The following TNFAIP8 variants were observed in gnomAD, a reference collection of about 807,000 sequenced individuals.
The protein encoded by TNFAIP8 is tumor necrosis factor alpha-induced protein 8.
Under a neutral mutation model 13.3 loss-of-function variants are expected in TNFAIP8, and 7 were observed. The observed-to-expected ratio is 0.52, with a 90% CI of 0.30 to 0.99. The LOEUF is 0.99. TNFAIP8 is among the 50% of genes least tolerant of loss of function. The pLI is 0.07. For missense variants in TNFAIP8, 258 were observed against 236.9 expected (o/e 1.09, Z -0.58); for synonymous variants, 94 against 87.6 (o/e 1.07, Z -0.41).
At chr5:119,298,625 C>G (rs1315321266) in intron 1 of TNFAIP8, among the ~76,000 whole-genome samples, 2 of 152,028 alleles carry the variant, frequency 1.3e-5, no homozygotes, top group African/African-American at 4.8e-5. Context: ...GTGGCATTCT[C>G]TGTATTTCCT....
At chr5:119,340,898 G>A (rs989504014) in intron 1 of TNFAIP8, among the ~76,000 whole-genome samples, 10 of 152,112 alleles carry the variant, frequency 6.6e-5, no homozygotes, top group African/African-American at 1.2e-4. Flanking sequence ...TTCCTTTGCC[G>A]AACCAGAATT....
intron 1 of TNFAIP8, among the ~76,000 whole-genome samples, chr5:119,313,313 T>C (rs922407296): frequency 2.0e-5 from 3 of 152,212 alleles, no homozygotes; most frequent in African/African-American, 7.2e-5. Context: ...AAAGGAGTTT[T>C]ACAGAAACCT....
intron 1 of TNFAIP8, among the ~76,000 whole-genome samples, chr5:119,327,827 G>A (rs535034455): frequency 3.3e-5 from 5 of 152,282 alleles, no homozygotes; most frequent in African/African-American, 1.2e-4. Flanking sequence ...CAAATGAAGT[G>A]ACTGAGGCAC....
chr5:119,372,576 T>A (rs1239672258), intron 1 of TNFAIP8, among the ~76,000 whole-genome samples: 2 of 152,246 alleles, frequency 1.3e-5, no homozygotes, highest in Non-Finnish European at 2.9e-5. Flanking sequence ...GCAGATTTTA[T>A]AAAGGCTCCA....
intron 1 of TNFAIP8, among the ~76,000 whole-genome samples, chr5:119,317,752 C>T (rs975187069): frequency 2.0e-5 from 3 of 152,084 alleles, no homozygotes; most frequent in Admixed American, 6.5e-5. Context: ...GCATAGGCCA[C>T]CATGCTGGCT....
chr5:119,394,858 C>G lies in TNFAIP8; in HGVS notation c.*1477C>G, dbSNP rs138120635. ...CTGACTTCAAATGATCTGCCTGCCT[C>G]GGCCTCCGAAAGTGTTGGGATTACA... On this transcript the variant is annotated 3_prime_UTR_variant, in exon 2 of 2. Coordinates refer to ENST00000504771, the MANE Select transcript of TNFAIP8 (RefSeq NM_014350.4). 1.3e-5 allele frequency: 2 copies of G among 152,044 alleles called. No individual in the cohort carries two copies. Among genetic ancestry groups the G allele is most frequent in the Non-Finnish European group, 2.9e-5 (2 of 68,046 alleles). 9.4% of individuals were successfully genotyped at this position (152,044 alleles called of 1,614,324 possible).
chr5:119,366,659 A>T (rs533165700), intron 1 of TNFAIP8, among the ~76,000 whole-genome samples: 11 of 152,244 alleles, frequency 7.2e-5, no homozygotes, highest in Admixed American at 5.9e-4. Context: ...GGTTTGTTGG[A>T]GGGTTAAAGC....
chr5:119,280,610 A>T (rs1464870849), intron 1 of TNFAIP8, among the ~76,000 whole-genome samples: 1 of 152,088 alleles, frequency 6.6e-6, no homozygotes, highest in East Asian at 1.9e-4. Flanking sequence ...TCACTGGGAG[A>T]CACATGGGGT....
intron 1 of TNFAIP8, among the ~76,000 whole-genome samples, chr5:119,337,480 G>A (rs1750592476): frequency 6.6e-6 from 1 of 152,156 alleles, no homozygotes; most frequent in South Asian, 2.1e-4. Flanking sequence ...GGAGAGTGGT[G>A]CTCCTCAGGG....
intron 1 of TNFAIP8, among the ~76,000 whole-genome samples, chr5:119,324,421 C>A (rs762148122): frequency 6.6e-6 from 1 of 151,104 alleles, no homozygotes; most frequent in Admixed American, 6.6e-5. Context: ...TTAACTTCTT[C>A]GTGCATGGAT....
At chr5:119,356,000 G>C, upstream of TNFAIP8, 1 of 1,527,868 alleles carries the variant, frequency 6.5e-7, no homozygotes, top group Non-Finnish European at 8.9e-7. Flanking sequence ...TTTATTTTCC[G>C]TCGTGTGCGG....
At chr5:119,269,326 G>A (rs1228261840) in intron 1 of TNFAIP8, among the ~76,000 whole-genome samples, 7 of 152,306 alleles carry the variant, frequency 4.6e-5, no homozygotes, top group African/African-American at 1.7e-4. Context: ...CCAGATTGCA[G>A]ACTGAGATGC....
intron 1 of TNFAIP8, among the ~76,000 whole-genome samples, chr5:119,329,795 C>T (rs906114202): frequency 6.6e-6 from 1 of 151,468 alleles, no homozygotes; most frequent in African/African-American, 2.4e-5. Flanking sequence ...CAGGATTTCC[C>T]CAGCCTTGTC....
At chr5:119,318,936 T>C (rs924095298) in intron 1 of TNFAIP8, among the ~76,000 whole-genome samples, 1 of 152,210 alleles carries the variant, frequency 6.6e-6, no homozygotes, top group Non-Finnish European at 1.5e-5. Context: ...TGTTTTAAAA[T>C]AAGACTAGAA....
intron 1 of TNFAIP8, among the ~76,000 whole-genome samples, chr5:119,295,146 GT>G (rs1749128275): frequency 6.6e-6 from 1 of 151,000 alleles, no homozygotes; most frequent in Non-Finnish European, 1.5e-5. Context: ...TAATGCCTAG[GT>G]TTTCTTCTAG....
intron 1 of TNFAIP8, among the ~76,000 whole-genome samples, chr5:119,326,658 G>C (rs1750236996): frequency 6.6e-6 from 1 of 152,174 alleles, no homozygotes; most frequent in African/African-American, 2.4e-5. Context: ...GCTGTGCTTT[G>C]AGAAAATGTA....
At chr5:119,370,607 C>G (rs1406493380) in intron 1 of TNFAIP8, among the ~76,000 whole-genome samples, 1 of 152,230 alleles carries the variant, frequency 6.6e-6, no homozygotes, top group Non-Finnish European at 1.5e-5. Context: ...CAGAAGGGTG[C>G]AAAACACTGG....
intron 1 of TNFAIP8, among the ~76,000 whole-genome samples, chr5:119,367,599 T>G (rs536297800): frequency 1.3e-5 from 2 of 152,350 alleles, no homozygotes; most frequent in African/African-American, 4.8e-5. Flanking sequence ...TTTAAAAAAA[T>G]GTTTGATGTT....
At chr5:119,377,877 G>T (rs1481787340) in intron 1 of TNFAIP8, among the ~76,000 whole-genome samples, 3 of 152,106 alleles carry the variant, frequency 2.0e-5, no homozygotes, top group African/African-American at 7.2e-5. Context: ...ATTTATTTCT[G>T]TAAGGCAGTG....
Sources: allele counts gnomAD v4.1 joint callset (sites outside exome capture counted in the v4.1 genomes callset), GRCh38; gene constraint gnomAD v4.1.1; transcripts MANE v1.5; gene names NCBI Gene and HGNC (gene_info 2026-07-23, HGNC 2026-07-21).